TTC27: variants seen among roughly 807,000 people sequenced by gnomAD.
The protein encoded by TTC27 is tetratricopeptide repeat protein 27.
Under a neutral mutation model 115.9 loss-of-function variants are expected in TTC27, and 79 were observed. The ratio of observed to expected loss-of-function variants is 0.68; its 90% CI spans 0.57 to 0.82. The LOEUF (loss-of-function observed/expected upper bound fraction) is 0.82, where lower values mean the gene tolerates loss of function less well. TTC27 is among the 40% of genes least tolerant of loss of function. TTC27 has a pLI of 0.00. For missense variants in TTC27, 1,054 were observed against 993.1 expected, an observed-to-expected ratio of 1.06 and a Z score of -0.82; for synonymous variants, 401 against 356.0, an observed-to-expected ratio of 1.13 and a Z score of -1.42.
intron 10 of TTC27, among the ~76,000 whole-genome samples, chr2:32,731,644 G>A (rs138617489): frequency 2.6e-5 from 4 of 152,292 alleles, no homozygotes; most frequent in Non-Finnish European, 5.9e-5. Flanking sequence ...CTCCCAAAGT[G>A]CTTGGGGTGG....
At chr2:32,732,957 A>G (rs1206892635) in intron 10 of TTC27, among the ~76,000 whole-genome samples, 3 of 152,238 alleles carry the variant, frequency 2.0e-5, no homozygotes, top group Non-Finnish European at 4.4e-5. Flanking sequence ...CCAGAAAAAT[A>G]TGTACACTTA....
chr2:32,666,784 A>C lies in TTC27; in HGVS notation c.939+16A>C. The C allele has an allele frequency of 2.5e-6, 4 of 1,609,848 alleles. No individual in the cohort carries two copies. The highest frequency in any genetic ancestry group is 3.4e-6 in the Non-Finnish European group (4 of 1,178,176). ...TTTAACCAAGGCAAGTAGGACATTA[A>C]GTTATTAAATTCAATTAACACCTGA... On this transcript the variant is annotated intron_variant, in intron 7 of 19. Coordinates refer to ENST00000317907, the MANE Select transcript of TTC27 (RefSeq NM_017735.5).
intron 12 of TTC27, among the ~76,000 whole-genome samples, chr2:32,752,634 G>A (rs538557955): frequency 1.1e-4 from 17 of 152,228 alleles, no homozygotes; most frequent in African/African-American, 3.4e-4. Context: ...AAAATCAGCC[G>A]TTCTTTTTGC....
At chr2:32,712,589 T>C (rs897023445) in intron 10 of TTC27, among the ~76,000 whole-genome samples, 2 of 152,038 alleles carry the variant, frequency 1.3e-5, no homozygotes, top group Non-Finnish European at 2.9e-5. Context: ...AGGCAGAGTC[T>C]CACTTTGTCA....
chr2:32,758,962 G>A (rs781118722), intron 13 of TTC27, among the ~76,000 whole-genome samples: 18 of 151,996 alleles, frequency 1.2e-4, no homozygotes, highest in Non-Finnish European at 1.8e-4. Context: ...TAAGAAAAAC[G>A]TGTATTTATA....
At chr2:32,746,698 G>T (rs1327015058) in intron 12 of TTC27, among the ~76,000 whole-genome samples, 1 of 151,770 alleles carries the variant, frequency 6.6e-6, no homozygotes, top group East Asian at 1.9e-4. Flanking sequence ...CAGAAGTGAT[G>T]TTATGTAGGC....
At chr2:32,691,130 A>G (rs1000033874) in intron 9 of TTC27, among the ~76,000 whole-genome samples, 2 of 152,130 alleles carry the variant, frequency 1.3e-5, no homozygotes, top group African/African-American at 4.8e-5. Flanking sequence ...AATGAGAAGG[A>G]AATTTGTTTT....
chr2:32,723,728 C>CCTTCCTTCCTTCCTTCCTTCCTTCCT (rs1553311541), intron 10 of TTC27, among the ~76,000 whole-genome samples: 4 of 29,530 alleles, frequency 1.4e-4, no homozygotes, highest in African/African-American at 5.1e-4. Context: ...CCCTCCCTCC[C>CCTTCCTTCCTTCCTTCCTTCCTTCCT]TCCTTCCTTC....
intron 16 of TTC27, among the ~76,000 whole-genome samples, chr2:32,800,936 A>G (rs1329313933): frequency 1.3e-5 from 2 of 152,220 alleles, no homozygotes; most frequent in Admixed American, 1.3e-4. Context: ...TACCATGACA[A>G]AAAGCCATAC....
chr2:32,810,170 C>A (rs1261102919), intron 16 of TTC27, among the ~76,000 whole-genome samples: 1 of 151,166 alleles, frequency 6.6e-6, no homozygotes. Flanking sequence ...AGAAGAGATA[C>A]TTGCTAGATA....
chr2:32,684,661 A>G (rs1422343969), intron 9 of TTC27, among the ~76,000 whole-genome samples: 1 of 152,144 alleles, frequency 6.6e-6, no homozygotes, highest in African/African-American at 2.4e-5. Context: ...AATCCGTTTT[A>G]TAGATGAAAA....
intron 9 of TTC27, among the ~76,000 whole-genome samples, chr2:32,681,996 G>A (rs990233399): frequency 7.6e-5 from 11 of 144,310 alleles, no homozygotes; most frequent in African/African-American, 2.8e-4. Context: ...GTGTGTGTGT[G>A]TGTGTGTGTG....
chr2:32,708,419 C>T (rs1046389256), intron 10 of TTC27, among the ~76,000 whole-genome samples: 1 of 147,142 alleles, frequency 6.8e-6, no homozygotes, highest in African/African-American at 2.5e-5. Flanking sequence ...TCAAGCGATT[C>T]TCTTGCCTCA....
chr2:32,708,425 C>T (rs747721501), intron 10 of TTC27, among the ~76,000 whole-genome samples: 1 of 149,748 alleles, frequency 6.7e-6, no homozygotes. Flanking sequence ...GATTCTCTTG[C>T]CTCAACCTTC....
chr2:32,775,457 C>G (rs1669965615), intron 13 of TTC27, among the ~76,000 whole-genome samples: 1 of 152,150 alleles, frequency 6.6e-6, no homozygotes, highest in Admixed American at 6.5e-5. Flanking sequence ...CTCGGCCTCC[C>G]AAAGTGCTGG....
At chr2:32,790,277 T>TG (rs1553320217) in intron 16 of TTC27, among the ~76,000 whole-genome samples, 94 of 151,762 alleles carry the variant, frequency 6.2e-4, no homozygotes, top group African/African-American at 2.2e-3. Flanking sequence ...TAAATTTTTT[T>TG]TTTGTGTGTG....
intron 10 of TTC27, among the ~76,000 whole-genome samples, chr2:32,731,416 C>T (rs1305851638): frequency 6.6e-6 from 1 of 152,158 alleles, no homozygotes; most frequent in African/African-American, 2.4e-5. Flanking sequence ...GCTCTGTCAC[C>T]CAGGCAGGAG....
intron 12 of TTC27, among the ~76,000 whole-genome samples, chr2:32,751,393 G>GAAGAGTA (rs1309970078): frequency 1.3e-5 from 2 of 152,016 alleles, no homozygotes; most frequent in African/African-American, 4.8e-5. Flanking sequence ...CTTTTAATGA[G>GAAGAGTA]AAGAGTATGT....
At chr2:32,730,023 A>G (rs558140141) in intron 10 of TTC27, among the ~76,000 whole-genome samples, 1 of 152,310 alleles carries the variant, frequency 6.6e-6, no homozygotes, top group East Asian at 1.9e-4. Context: ...CTTCTATCTC[A>G]TGGAGCACAT....
Sources: gnomAD v4.1 joint callset for allele counts (sites outside exome capture counted in the v4.1 genomes callset) on GRCh38, gnomAD v4.1.1 for gene constraint, MANE v1.5 for transcripts, NCBI Gene and HGNC (gene_info 2026-07-23, HGNC 2026-07-21) for gene names.